Variants in SLC16A7 observed in about 807,000 individuals in gnomAD.
The protein encoded by SLC16A7 is monocarboxylate transporter 2.
SLC16A7 carries 33 observed loss-of-function variants against 34.9 expected under a neutral mutation model. That is an observed-to-expected ratio of 0.94 (90% CI 0.72 to 1.26). SLC16A7 has a LOEUF of 1.26. Among genes scored for constraint, SLC16A7 ranks in the 50% most tolerant of loss-of-function variants. The probability of loss-of-function intolerance (pLI) is 0.00; values close to 1 mark genes in which losing one functional copy is unlikely to be tolerated. For synonymous variants in SLC16A7, 201 were observed against 206.6 expected, an observed-to-expected ratio of 0.97 and a Z score of 0.23; for missense variants, 573 against 578.1, an observed-to-expected ratio of 0.99 and a Z score of 0.09.
chr12:59,667,102 C>T (rs914010632), intron 2 of SLC16A7, among the ~76,000 whole-genome samples: 1 of 152,136 alleles, frequency 6.6e-6, no homozygotes, highest in Non-Finnish European at 1.5e-5. Flanking sequence ...CTGATAAACC[C>T]ATCACATCTT....
At chr12:59,614,714 G>A (rs943684536) in intron 1 of SLC16A7, among the ~76,000 whole-genome samples, 4 of 150,622 alleles carry the variant, frequency 2.7e-5, no homozygotes, top group Non-Finnish European at 5.9e-5. Context: ...GCCGGGCATG[G>A]TGGCTCAAGG....
intron 3 of SLC16A7, among the ~76,000 whole-genome samples, chr12:59,754,443 G>A (rs1345734284): frequency 6.6e-6 from 1 of 152,136 alleles, no homozygotes; most frequent in East Asian, 1.9e-4. Context: ...CAATCCCACA[G>A]AAATACAAAC....
At chr12:59,615,976 TG>T (rs950387581) in intron 1 of SLC16A7, among the ~76,000 whole-genome samples, 1 of 152,190 alleles carries the variant, frequency 6.6e-6, no homozygotes, top group African/African-American at 2.4e-5. Context: ...GACTGTTCCC[TG>T]TAATGCCCTT....
At position 59,779,787 on chromosome 12, in the gene SLC16A7, C is replaced by CAATT; in HGVS notation, c.*111_*114dup. 1 of 844,084 alleles carries CAATT rather than the reference C, an allele frequency of 1.2e-6. No individual in the cohort carries two copies. The allele number at this position is 844,084 out of a possible 1,614,324, so 52.3% of individuals were successfully genotyped here. On this transcript the variant is annotated 3_prime_UTR_variant, in exon 6 of 6. Transcript: ENST00000547379. ...AGGTTTTAGCTGAAATGAGGAGTCA[C>CAATT]AATTAAGGATGGAGGTGATATTTTC...
At chr12:59,720,221 T>C (rs1358460805) in intron 3 of SLC16A7, 4 of 598,698 alleles carry the variant, frequency 6.7e-6, no homozygotes, top group Non-Finnish European at 1.2e-5. Flanking sequence ...TTGTTACTTA[T>C]GTATTTATAG....
chr12:59,679,082 G>A (rs562460813), intron 2 of SLC16A7, among the ~76,000 whole-genome samples: 9 of 152,296 alleles, frequency 5.9e-5, no homozygotes, highest in African/African-American at 2.2e-4. Context: ...GCCTGAAGGG[G>A]CAGAGGGGCC....
intron 3 of SLC16A7, among the ~76,000 whole-genome samples, chr12:59,751,371 G>T (rs1479590940): frequency 6.6e-6 from 1 of 152,198 alleles, no homozygotes; most frequent in Admixed American, 6.5e-5. Context: ...TGTGACAGAG[G>T]CACCTGGAAA....
chr12:59,761,243 T>G (rs1308637794), intron 3 of SLC16A7: 2 of 851,790 alleles, frequency 2.3e-6, no homozygotes, highest in South Asian at 3.0e-5. Context: ...TTGATAAGAT[T>G]TAGATTTCTT....
chr12:59,687,933 A>G (rs930632001), intron 2 of SLC16A7, among the ~76,000 whole-genome samples: 3 of 152,136 alleles, frequency 2.0e-5, no homozygotes, highest in Admixed American at 2.0e-4. Context: ...GAGAAATATG[A>G]CAAGTATGAG....
At chr12:59,667,337 C>A (rs1335906941) in intron 2 of SLC16A7, among the ~76,000 whole-genome samples, 3 of 152,222 alleles carry the variant, frequency 2.0e-5, no homozygotes, top group African/African-American at 7.2e-5. Context: ...GCTCAGAAGA[C>A]AGTAAGATGT....
chr12:59,751,679 A>T (rs1192853381), intron 3 of SLC16A7, among the ~76,000 whole-genome samples: 1 of 152,234 alleles, frequency 6.6e-6, no homozygotes, highest in Non-Finnish European at 1.5e-5. Flanking sequence ...GGAGCAGGGC[A>T]CAGACAAACA....
chr12:59,739,023 T>C (rs1404378973), intron 3 of SLC16A7, among the ~76,000 whole-genome samples: 6 of 71,404 alleles, frequency 8.4e-5, no homozygotes, highest in East Asian at 4.1e-4. Flanking sequence ...TTTTTTCATT[T>C]ATTTATTTAT....
chr12:59,717,757 G>A (rs1276118263), intron 3 of SLC16A7, among the ~76,000 whole-genome samples: 1 of 152,090 alleles, frequency 6.6e-6, no homozygotes, highest in Admixed American at 6.6e-5. Context: ...GAGAAAAAAA[G>A]GAAAGGTTTT....
chr12:59,670,240 CT>C lies in SLC16A7; in HGVS notation c.-31+14991del, dbSNP rs1869561431. Among the ~76,000 whole-genome samples, 5 of 152,258 alleles carry C rather than the reference CT, an allele frequency of 3.3e-5. No individual in the cohort carries two copies. In the South Asian group the frequency reaches 1.0e-3, roughly 32 times the overall value. On this transcript the variant is annotated intron_variant, in intron 2 of 5. Transcript: ENST00000547379. ...CATGGCTGTCTTCTTATAAGATCAT[CT>C]GTCATACAGGATAAAAGCTCACCCT...
intron 3 of SLC16A7, among the ~76,000 whole-genome samples, chr12:59,745,252 G>A (rs1322194276): frequency 2.0e-5 from 3 of 152,142 alleles, no homozygotes; most frequent in Admixed American, 2.0e-4. Flanking sequence ...CCCTAACCAA[G>A]TCTATTCTCG....
rs1883775199 is a variant in SLC16A7 at position 59,788,514 on chromosome 12, A to G, written c.*8835A>G. 6.6e-6 allele frequency: 1 copy of G among 152,072 alleles called. No individual in the cohort carries two copies. The highest frequency in any genetic ancestry group is 1.5e-5 in the Non-Finnish European group (1 of 67,948). The allele number at this position is 152,072 out of a possible 1,614,324, so 9.4% of individuals were successfully genotyped here. ...TTTGCTTGACACCTAAATGATCCAA[A>G]CAGTTGTTTTTACATGACTTAAATC... On this transcript the variant is annotated 3_prime_UTR_variant, in exon 6 of 6. Transcript: ENST00000547379.
intron 1 of SLC16A7, among the ~76,000 whole-genome samples, chr12:59,640,864 A>G (rs1359104980): frequency 6.6e-6 from 1 of 152,116 alleles, no homozygotes; most frequent in East Asian, 1.9e-4. Flanking sequence ...TTCCCTTAAG[A>G]ATTTTAAAAC....
At chr12:59,707,413 A>G (rs1873710654) in intron 3 of SLC16A7, among the ~76,000 whole-genome samples, 1 of 152,114 alleles carries the variant, frequency 6.6e-6, no homozygotes, top group East Asian at 1.9e-4. Flanking sequence ...CAATGGCATA[A>G]TTAACTTTCT....
intron 1 of SLC16A7, among the ~76,000 whole-genome samples, chr12:59,629,200 C>G (rs1329471716): frequency 6.6e-6 from 1 of 151,850 alleles, no homozygotes; most frequent in Non-Finnish European, 1.5e-5. Flanking sequence ...TAATCCCCTT[C>G]CAAAGGCCCC....
Sources: gnomAD v4.1 joint callset for allele counts (sites outside exome capture counted in the v4.1 genomes callset) on GRCh38, gnomAD v4.1.1 for gene constraint, MANE v1.5 for transcripts, NCBI Gene and HGNC (gene_info 2026-07-23, HGNC 2026-07-21) for gene names.